Variants in DPH6 observed in about 807,000 individuals in gnomAD.
DPH6 encodes the protein diphthine--ammonia ligase.
DPH6 carries 33 observed loss-of-function variants against 38.2 expected under a neutral mutation model. The ratio of observed to expected loss-of-function variants is 0.86; its 90% CI spans 0.65 to 1.15. The LOEUF is 1.15. DPH6 is among the 50% of genes most tolerant of loss of function. The pLI is 0.00. For missense variants in DPH6, 325 were observed against 320.0 expected (o/e 1.02, Z -0.12); for synonymous variants, 108 against 103.0 (o/e 1.05, Z -0.30).
At chr15:35,349,609 A>AT (rs2140889144) in intron 3 of DPH6, among the ~76,000 whole-genome samples, 1 of 151,944 alleles carries the variant, frequency 6.6e-6, no homozygotes, top group Non-Finnish European at 1.5e-5. Flanking sequence ...AATTTTTGTT[A>AT]TTTTTAGTAG....
At chr15:35,459,275 C>T (rs927763128) in intron 3 of DPH6, among the ~76,000 whole-genome samples, 1 of 152,138 alleles carries the variant, frequency 6.6e-6, no homozygotes, top group Non-Finnish European at 1.5e-5. Context: ...CGTCATCTTG[C>T]TGTGTCTTCA....
intron 3 of DPH6, among the ~76,000 whole-genome samples, chr15:35,461,584 C>CTTA (rs1221552898): frequency 1.4e-5 from 2 of 139,338 alleles, no homozygotes; most frequent in African/African-American, 5.3e-5. Context: ...TAGTTGTGAT[C>CTTA]TTTTTTTTTT....
At chr15:35,335,278 ACT>A (rs1334141000) in intron 3 of DPH6, among the ~76,000 whole-genome samples, 2 of 151,768 alleles carry the variant, frequency 1.3e-5, no homozygotes, top group African/African-American at 2.4e-5. Flanking sequence ...TTCCTTGTAG[ACT>A]CTGTATATTA....
exon 4 of DPH6, chr15:35,220,117 T>C (rs569579377): frequency 1.3e-5 from 2 of 152,348 alleles, no homozygotes; most frequent in African/African-American, 4.8e-5. Context: ...ACACTACCAC[T>C]ATTAACATTT....
the DPH6 span, among the ~76,000 whole-genome samples, chr15:35,150,665 C>T: frequency 3.3e-5 from 5 of 152,094 alleles, no homozygotes; most frequent in East Asian, 1.9e-4. Flanking sequence ...AAACTTGTGG[C>T]GAAGAACACA....
chr15:35,238,842 C>T (rs2051576554), intron 3 of DPH6, among the ~76,000 whole-genome samples: 1 of 151,420 alleles, frequency 6.6e-6, no homozygotes. Context: ...AGAAGCTCCC[C>T]TACTGAGCAC....
rs117118577 is a variant in DPH6, at chr15:35,253,477, C to T, written n.201-32895G>A. 3.6e-3 allele frequency among the ~76,000 whole-genome samples: 543 copies of T among 152,296 alleles called. 2 individuals carry two copies. The highest frequency in any genetic ancestry group is 6.2e-3 in the Non-Finnish European group (425 of 68,028). On this transcript the variant is annotated intron_variant and non_coding_transcript_variant, in intron 3 of 3. Coordinates refer to the DPH6 transcript ENST00000560386. ...ATACATTTAATGTCTCATCAACTTCCCCAGAAAAGTGAGAGTAAACCTGTG... is the reference window on the plus strand; with the variant it reads ...ATACATTTAATGTCTCATCAACTTCTCCAGAAAAGTGAGAGTAAACCTGTG...
intron 6 of DPH6, among the ~76,000 whole-genome samples, chr15:35,389,091 G>C (rs553093339): frequency 1.3e-5 from 2 of 152,070 alleles, no homozygotes; most frequent in Admixed American, 6.6e-5. Context: ...CCTTCATTTC[G>C]TTATGTACCC....
intron 3 of DPH6, among the ~76,000 whole-genome samples, chr15:35,498,617 AAT>A (rs1391552353): frequency 6.6e-6 from 1 of 152,144 alleles, no homozygotes; most frequent in Non-Finnish European, 1.5e-5. Flanking sequence ...TGGGAATGGG[AAT>A]AGACATATAA....
At position 35,268,123 on chromosome 15, in the gene DPH6, T is replaced by C. The variant is rs1308514458; in HGVS notation, n.201-47541A>G. On this transcript the variant is annotated intron_variant and non_coding_transcript_variant, in intron 3 of 3. Coordinates refer to the DPH6 transcript ENST00000560386. Reference sequence around the variant, plus strand: ...AGGCAGAGCTTGCAGTGAGCCGAGATTGTGCCACTGCACTCCAGCCTGGGC... The same window carrying C: ...AGGCAGAGCTTGCAGTGAGCCGAGACTGTGCCACTGCACTCCAGCCTGGGC... Among the ~76,000 whole-genome samples, 6 of 151,898 alleles carry C rather than the reference T, an allele frequency of 4.0e-5. No individual in the cohort carries two copies. The South Asian group carries it at 1.2e-3, about 32-fold the overall frequency.
At chr15:35,444,519 C>T (rs986556737) in intron 5 of DPH6, among the ~76,000 whole-genome samples, 1 of 152,174 alleles carries the variant, frequency 6.6e-6, no homozygotes, top group Admixed American at 6.5e-5. Context: ...AAAACAACAA[C>T]TTCCATAGCA....
chr15:35,475,977 C>T (rs1029617040), intron 3 of DPH6, among the ~76,000 whole-genome samples: 1 of 151,502 alleles, frequency 6.6e-6, no homozygotes, highest in African/African-American at 2.4e-5. Context: ...AATATTTTTA[C>T]AGAACAAAAC....
chr15:35,433,229 A>C (rs996106177), intron 5 of DPH6, among the ~76,000 whole-genome samples: 2 of 152,236 alleles, frequency 1.3e-5, no homozygotes, highest in Non-Finnish European at 2.9e-5. Flanking sequence ...ACAAATCAGA[A>C]AAGGTAGAAA....
chr15:35,241,741 C>T lies in DPH6; in HGVS notation n.201-21159G>A, dbSNP rs2051601094. ...TACCATCTCATTAAAACCTAATCAC[C>T]CTTACCCCTCTGAATGCCAATATCT... On this transcript the variant is annotated intron_variant and non_coding_transcript_variant, in intron 3 of 3. Coordinates refer to the DPH6 transcript ENST00000560386. 2.1e-5 allele frequency among the ~76,000 whole-genome samples: 3 copies of T among 142,484 alleles called. 1 individual carries two copies. The East Asian group carries it at 6.7e-4, about 32-fold the overall frequency. 93.5% of individuals were successfully genotyped at this position (142,484 alleles called of 152,430 possible).
chr15:35,489,463 T>G, intron 3 of DPH6: 1 of 983,718 alleles, frequency 1.0e-6, no homozygotes, highest in Non-Finnish European at 1.2e-6. Context: ...AATATATTAC[T>G]CAAAGGCATA....
chr15:35,496,112 A>T (rs958195403), intron 3 of DPH6, among the ~76,000 whole-genome samples: 1 of 152,244 alleles, frequency 6.6e-6, no homozygotes, highest in Non-Finnish European at 1.5e-5. Flanking sequence ...GAGTATCTTC[A>T]TGACTTTGTG....
At chr15:35,157,817 A>G in the DPH6 span, among the ~76,000 whole-genome samples, 2 of 152,024 alleles carry the variant, frequency 1.3e-5, no homozygotes, top group Non-Finnish European at 2.9e-5. Flanking sequence ...GTTCTTCGTC[A>G]CTCTCCTTCT....
At chr15:35,503,962 T>C (rs2141202111) in intron 3 of DPH6, among the ~76,000 whole-genome samples, 1 of 152,214 alleles carries the variant, frequency 6.6e-6, no homozygotes, top group Non-Finnish European at 1.5e-5. Context: ...TGACTTTGAT[T>C]ATTAATTATA....
the DPH6 span, among the ~76,000 whole-genome samples, chr15:35,208,046 T>G: frequency 6.6e-6 from 1 of 152,146 alleles, no homozygotes; most frequent in Non-Finnish European, 1.5e-5. Context: ...CTGGTGAAAC[T>G]CATATTAAAT....
Sources: gnomAD v4.1 joint callset for allele counts (sites outside exome capture counted in the v4.1 genomes callset) on GRCh38, gnomAD v4.1.1 for gene constraint, MANE v1.5 for transcripts, NCBI Gene and HGNC (gene_info 2026-07-23, HGNC 2026-07-21) for gene names.